PCSK2: variants seen among roughly 807,000 people sequenced by gnomAD.
The protein encoded by PCSK2 is proprotein convertase subtilisin/kexin type 2.
A neutral mutation model predicts 69.7 loss-of-function variants in PCSK2; 14 were observed. The ratio of observed to expected loss-of-function variants is 0.20; its 90% CI spans 0.13 to 0.31. The LOEUF (loss-of-function observed/expected upper bound fraction) is 0.31. Ranked by LOEUF, PCSK2 falls within the 10% of genes least tolerant of loss-of-function variation. The pLI is 1.00. For synonymous variants in PCSK2, 307 were observed against 320.7 expected (o/e 0.96, Z 0.46); for missense variants, 544 against 842.5 (o/e 0.65, Z 4.39).
At chr20:17,234,941 G>C (rs115699207) in intron 1 of PCSK2, among the ~76,000 whole-genome samples, 4,192 of 152,168 alleles carry the variant, frequency 0.028, 174 homozygotes, top group African/African-American at 0.094. Flanking sequence ...AAATAATCAC[G>C]GGACAGCTCA....
chr20:17,287,984 C>T (rs1205084608), intron 2 of PCSK2, among the ~76,000 whole-genome samples: 1 of 152,208 alleles, frequency 6.6e-6, no homozygotes, highest in Non-Finnish European at 1.5e-5. Context: ...GGGTGTTTTT[C>T]CTTTCTGTCC....
At chr20:17,389,774 T>C (rs916941555) in intron 5 of PCSK2, among the ~76,000 whole-genome samples, 3 of 152,180 alleles carry the variant, frequency 2.0e-5, no homozygotes, top group African/African-American at 7.2e-5. Context: ...AAGATAGGTA[T>C]TTGTGAGGGT....
intron 11 of PCSK2, chr20:17,479,512 T>A (rs2033353326): frequency 2.5e-6 from 1 of 392,282 alleles, no homozygotes; most frequent in South Asian, 2.3e-5. Flanking sequence ...CACACAAGAA[T>A]CATACGGCCG....
At chr20:17,324,929 C>G (rs1050637544) in intron 2 of PCSK2, among the ~76,000 whole-genome samples, 3 of 152,156 alleles carry the variant, frequency 2.0e-5, no homozygotes, top group African/African-American at 7.2e-5. Flanking sequence ...CCAGCCCTAC[C>G]AGGCTTTGTG....
intron 5 of PCSK2, among the ~76,000 whole-genome samples, chr20:17,379,624 C>T (rs1375353665): frequency 6.6e-6 from 1 of 152,134 alleles, no homozygotes; most frequent in Non-Finnish European, 1.5e-5. Flanking sequence ...TGTAAAATGC[C>T]CCCCTAAGAT....
chr20:17,373,569 G>A (rs1034471753), intron 5 of PCSK2, among the ~76,000 whole-genome samples: 1 of 152,130 alleles, frequency 6.6e-6, no homozygotes, highest in Non-Finnish European at 1.5e-5. Context: ...AAAATAAATA[G>A]ACATGTTCTA....
In PCSK2 at chr20:17,453,780, C is replaced by A. The variant is rs773397818; in HGVS notation, c.924C>A (p.Ser308=). Residue 308 remains serine (S), a synonymous_variant, in exon 9 of 12, where the codon TCC becomes TCA. Coordinates refer to ENST00000262545, the MANE Select transcript of PCSK2 (RefSeq NM_002594.5). The surrounding 1 kb of genome is among the most constrained non-coding windows in gnomAD (Gnocchi z 4.0). ...AAGGCAGCATCTACGTGTGGGCCTCCGGGGACGGCGGCAGCTATGACGACT... is the reference window on the plus strand; with the variant it reads ...AAGGCAGCATCTACGTGTGGGCCTCAGGGGACGGCGGCAGCTATGACGACT... The part of the protein sequence containing the change: ...GGKGSIYVWA[S]GDGGSYDDCN... 6.2e-7 allele frequency: 1 copy of A among 1,613,958 alleles called. No individual in the cohort carries two copies. The highest frequency in any genetic ancestry group is 8.5e-7 in the Non-Finnish European group (1 of 1,179,966).
chr20:17,258,370 AT>A (rs896178802), intron 1 of PCSK2, among the ~76,000 whole-genome samples: 1 of 152,018 alleles, frequency 6.6e-6, no homozygotes, highest in African/African-American at 2.4e-5. Context: ...TGATTTGGCA[AT>A]TTTTTTCAGA....
intron 8 of PCSK2, among the ~76,000 whole-genome samples, chr20:17,442,017 C>T (rs1027673214): frequency 1.1e-5 from 1 of 93,486 alleles, no homozygotes; most frequent in Admixed American, 1.1e-4. Context: ...ATTTAAAAGA[C>T]AAAAAAAAAA....
At chr20:17,459,383 C>A (rs992203333) in intron 10 of PCSK2, among the ~76,000 whole-genome samples, 1 of 152,194 alleles carries the variant, frequency 6.6e-6, no homozygotes, top group African/African-American at 2.4e-5. Flanking sequence ...TAGGAACATT[C>A]TTGTACATGC....
At chr20:17,444,469 T>C (rs1313419515) in intron 8 of PCSK2, among the ~76,000 whole-genome samples, 1 of 152,222 alleles carries the variant, frequency 6.6e-6, no homozygotes. Flanking sequence ...GAAATCCTTT[T>C]TTTCTTTTGC....
At chr20:17,227,518 AACGGGGGG>A in intron 1 of PCSK2, 36 bp downstream of exon 1, 2 of 1,494,320 alleles carry the variant, frequency 1.3e-6, no homozygotes, top group Non-Finnish European at 1.8e-6. Flanking sequence ...GTTGTTTCAA[AACGGGGGG>A]ACGGGGGGGC....
In PCSK2 at chr20:17,429,435, C is replaced by T. The variant is rs749209567; in HGVS notation, c.621C>T (p.Ser207=). 2 of 1,613,182 alleles carry T rather than the reference C, an allele frequency of 1.2e-6. No individual in the cohort carries two copies. Among genetic ancestry groups the T allele is most frequent in the South Asian group, 1.1e-5 (1 of 91,040 alleles). ...AATGTGTCTTTATATTTTTCCAAAGCCACGGGACCCGATGTGCAGGAGAAG... is the reference window on the plus strand; with the variant it reads ...AATGTGTCTTTATATTTTTCCAAAGTCACGGGACCCGATGTGCAGGAGAAG... ...YPRYTDDWFN[S]HGTRCAGEVS... Residue 207 remains serine, a splice_region_variant and synonymous_variant, in exon 7 of 12, where the codon AGC becomes AGT. Coordinates refer to ENST00000262545, the MANE Select transcript of PCSK2 (RefSeq NM_002594.5).
chr20:17,367,201 G>C (rs527243283), intron 4 of PCSK2, among the ~76,000 whole-genome samples: 1 of 151,998 alleles, frequency 6.6e-6, no homozygotes, highest in Non-Finnish European at 1.5e-5. Flanking sequence ...ACAAATAGAA[G>C]CAATTTAATT....
At chr20:17,241,142 A>T (rs1600401624) in intron 1 of PCSK2, among the ~76,000 whole-genome samples, 1 of 152,224 alleles carries the variant, frequency 6.6e-6, no homozygotes, top group Non-Finnish European at 1.5e-5. Flanking sequence ...CTGTCAGCAG[A>T]AGGAAAGTCT....
At chr20:17,287,377 T>C (rs1330880255) in intron 2 of PCSK2, among the ~76,000 whole-genome samples, 1 of 150,550 alleles carries the variant, frequency 6.6e-6, no homozygotes. Context: ...CTTGCAAATA[T>C]TTATTCATGA....
At chr20:17,282,417 G>A (rs548338718) in intron 2 of PCSK2, among the ~76,000 whole-genome samples, 5 of 152,068 alleles carry the variant, frequency 3.3e-5, no homozygotes, top group East Asian at 1.9e-4. Context: ...AAGAAATATC[G>A]ATTTATTTCA....
intron 2 of PCSK2, among the ~76,000 whole-genome samples, chr20:17,288,316 G>T (rs1988587713): frequency 1.3e-5 from 2 of 152,162 alleles, no homozygotes; most frequent in Admixed American, 6.5e-5. Flanking sequence ...AAGGGGAGAG[G>T]CCAGGGATTC....
intron 5 of PCSK2, among the ~76,000 whole-genome samples, chr20:17,373,887 G>A (rs921724934): frequency 1.3e-5 from 2 of 152,170 alleles, no homozygotes; most frequent in African/African-American, 2.4e-5. Flanking sequence ...GGGAGTAAAG[G>A]ATAATAACGG....
Sources: allele counts gnomAD v4.1 joint callset (sites outside exome capture counted in the v4.1 genomes callset), GRCh38; gene constraint gnomAD v4.1.1; non-coding constraint Gnocchi (gnomAD v3.1); transcripts MANE v1.5; gene names NCBI Gene and HGNC (gene_info 2026-07-23, HGNC 2026-07-21).